SLC24A1: variants seen among roughly 807,000 people sequenced by gnomAD.
SLC24A1 encodes the protein sodium/potassium/calcium exchanger 1.
A neutral mutation model predicts 88.1 loss-of-function variants in SLC24A1; 52 were observed. The observed-to-expected ratio is 0.59, with a 90% CI of 0.47 to 0.74. The LOEUF (loss-of-function observed/expected upper bound fraction) is 0.74. SLC24A1 is among the 30% of genes least tolerant of loss of function. The pLI, the probability that SLC24A1 is intolerant of heterozygous loss-of-function variation, is 0.00. For synonymous variants in SLC24A1, 455 were observed against 498.0 expected, an observed-to-expected ratio of 0.91 and a Z score of 1.15; for missense variants, 1,173 against 1,363.3, an observed-to-expected ratio of 0.86 and a Z score of 2.20.
At chr15:65,623,435 C>T (rs1043990756) in intron 1 of SLC24A1, among the ~76,000 whole-genome samples, 2 of 152,176 alleles carry the variant, frequency 1.3e-5, no homozygotes, top group South Asian at 4.1e-4. Flanking sequence ...AAGCTTTGCC[C>T]ACTCTGGATG....
rs2075454748 is a variant in SLC24A1, at chr15:65,650,366, T to C, written c.2233-16T>C. 2 of 1,545,266 alleles carry C rather than the reference T, an allele frequency of 1.3e-6. No homozygotes were observed. The highest frequency in any genetic ancestry group is 2.7e-5 in the African/African-American group (2 of 72,764). ...GAGCAGTTACCACACATTAATCTGT[T>C]GGTTTTGGATTGCAGGAAGATGTGG... On this transcript the variant is annotated splice_polypyrimidine_tract_variant and intron_variant, in intron 6 of 9. Coordinates refer to ENST00000261892, the MANE Select transcript of SLC24A1 (RefSeq NM_004727.3). The surrounding 1 kb of genome is among the most constrained non-coding windows in gnomAD (Gnocchi z 4.1).
At chr15:65,620,572 C>A (rs1410714532), upstream of SLC24A1, among the ~76,000 whole-genome samples, 2 of 152,130 alleles carry the variant, frequency 1.3e-5, no homozygotes. Flanking sequence ...TGCTGAATTT[C>A]AAAATGTGCC....
Position 65,651,729 on chromosome 15 carries a change from C to T in SLC24A1, c.2853C>T (p.Phe951=). ...FLGSIMWIAM[F]SYLMVWWAHQ... The stretch of plus-strand genomic sequence containing the variant: ...GATCTATCATGTGGATAGCCATGTT[C>T]TCATACCTCATGGTGTGGTGGGCTC... The change falls in exon 8 of 10, where the codon TTC becomes TTT. Residue 951 remains phenylalanine (F), a synonymous_variant. Coordinates refer to ENST00000261892, the MANE Select transcript of SLC24A1 (RefSeq NM_004727.3). The T allele has an allele frequency of 6.2e-7, 1 of 1,608,528 alleles. No homozygotes were observed. The highest frequency in any genetic ancestry group is 8.5e-7 in the Non-Finnish European group (1 of 1,175,154).
Position 65,654,523 on chromosome 15 carries a change from G to A in SLC24A1, c.*444G>A, listed in dbSNP as rs912185481. On this transcript the variant is annotated 3_prime_UTR_variant, in exon 10 of 10. Transcript: ENST00000261892. Reference sequence around the variant, plus strand: ...TTCCTGACCTCTGCCCCAAACACACGCTGCAATTTTGTCTCCTCCTTTTCT... The same window carrying A: ...TTCCTGACCTCTGCCCCAAACACACACTGCAATTTTGTCTCCTCCTTTTCT... 28 of 1,181,562 alleles carry A rather than the reference G, an allele frequency of 2.4e-5. No homozygotes were observed. Among genetic ancestry groups the A allele is most frequent in the Admixed American group, 3.9e-5 (1 of 25,782 alleles). The allele number at this position is 1,181,562 out of a possible 1,614,324, so 73.2% of individuals were successfully genotyped here. A position where few individuals can be genotyped will look rare whatever the true frequency, so the allele number is the denominator to read the frequency against.
At chr15:65,627,765 A>T (rs183229940) in intron 2 of SLC24A1, among the ~76,000 whole-genome samples, 8 of 152,278 alleles carry the variant, frequency 5.3e-5, no homozygotes, top group Non-Finnish European at 1.2e-4. Flanking sequence ...CCTCATAGTA[A>T]TTCTGCTTTT....
At chr15:65,616,524 CT>C (rs2074150597) in intron 2 of SLC24A1, among the ~76,000 whole-genome samples, 1 of 152,186 alleles carries the variant, frequency 6.6e-6, no homozygotes, top group African/African-American at 2.4e-5. Flanking sequence ...GCATAGATGT[CT>C]TCTTTTGAGA....
intron 4 of SLC24A1, among the ~76,000 whole-genome samples, chr15:65,641,517 G>A (rs376729151): frequency 9.3e-4 from 141 of 152,232 alleles, no homozygotes; most frequent in African/African-American, 3.3e-3. Flanking sequence ...TGATGGAGCT[G>A]TTAGGAAAAA....
chr15:65,620,318 A>AC (rs1475740040), upstream of SLC24A1, among the ~76,000 whole-genome samples: 2 of 151,910 alleles, frequency 1.3e-5, no homozygotes, highest in Non-Finnish European at 2.9e-5. Flanking sequence ...AAACCTGCTG[A>AC]CCCCTCTAAC....
At chr15:65,639,745 A>G in intron 4 of SLC24A1, 42 bp downstream of exon 4, 1 of 1,273,088 alleles carries the variant, frequency 7.9e-7, no homozygotes, top group South Asian at 1.3e-5. Flanking sequence ...TGCCCCATCC[A>G]CTCCTTCCCT....
At chr15:65,638,034 G>A in intron 2 of SLC24A1, 94 bp from the exon 3 acceptor site, 1 of 826,558 alleles carries the variant, frequency 1.2e-6, no homozygotes, top group Non-Finnish European at 2.1e-6. Context: ...GTGTGTTTCT[G>A]TATTTCAACC....
Position 65,642,907 on chromosome 15 carries a change from C to T in SLC24A1, c.2054-1520C>T. ...TTGCACTTTCCAGCTTCTCCGTTTC[C>T]TCTCAGTCCGTCTGTATTATGGACT... On this transcript the variant is annotated intron_variant, in intron 4 of 9. Transcript: ENST00000261892. 4.4e-6 allele frequency: 4 copies of T among 908,394 alleles called. No homozygotes were observed. In the South Asian group the frequency reaches 5.6e-5, roughly 13 times the overall value. 56.3% of individuals were successfully genotyped at this position (908,394 alleles called of 1,614,324 possible).
intron 2 of SLC24A1, among the ~76,000 whole-genome samples, chr15:65,628,254 T>C (rs1355484786): frequency 2.0e-5 from 3 of 152,196 alleles, no homozygotes; most frequent in African/African-American, 4.8e-5. Context: ...CCACCACACC[T>C]GGCCCCTTTA....
chr15:65,640,697 G>A (rs868572590), intron 4 of SLC24A1, among the ~76,000 whole-genome samples: 2 of 152,092 alleles, frequency 1.3e-5, no homozygotes, highest in South Asian at 2.1e-4. Flanking sequence ...ACAAATTTTC[G>A]GGGCTCAGAA....
chr15:65,656,354 C>CA (rs2075683687), downstream of SLC24A1: 4 of 660,312 alleles, frequency 6.1e-6, no homozygotes, highest in Admixed American at 2.5e-4. Context: ...AGGACAAGTA[C>CA]AAAAAATGAA....
At position 65,655,567 on chromosome 15, in the gene SLC24A1, G is replaced by A. The variant is rs560895148; in HGVS notation, c.*1488G>A. ...CAAGTTAAGGGACACGTTAGAAATA[G>A]AACAGCTTAATATCACTGGCTTCAG... is the stretch of plus-strand genomic sequence containing the variant. On this transcript the variant is annotated 3_prime_UTR_variant, in exon 10 of 10. Coordinates refer to ENST00000261892, the MANE Select transcript of SLC24A1 (RefSeq NM_004727.3). 929 of 985,412 alleles carry A rather than the reference G, an allele frequency of 9.4e-4. No individual in the cohort carries two copies. The highest frequency in any genetic ancestry group is 1.0e-3 in the Non-Finnish European group (869 of 829,924). The allele number at this position is 985,412 out of a possible 1,614,324, so 61.0% of individuals were successfully genotyped here. A position where few individuals can be genotyped will look rare whatever the true frequency, so the allele number is the denominator to read the frequency against.
At chr15:65,633,687 T>C (rs545647495) in intron 2 of SLC24A1, among the ~76,000 whole-genome samples, 3 of 152,026 alleles carry the variant, frequency 2.0e-5, no homozygotes, top group Non-Finnish European at 4.4e-5. Context: ...ACTTCACTTG[T>C]TTCTTTCACT....
intron 9 of SLC24A1, among the ~76,000 whole-genome samples, chr15:65,653,198 ACT>A (rs2075560902): frequency 6.6e-6 from 1 of 152,016 alleles, no homozygotes; most frequent in Non-Finnish European, 1.5e-5. Context: ...TAGCTCAGAG[ACT>A]CTAAACAGCA....
intron 2 of SLC24A1, among the ~76,000 whole-genome samples, chr15:65,616,573 G>C (rs2141393367): frequency 6.6e-6 from 1 of 152,070 alleles, no homozygotes; most frequent in South Asian, 2.1e-4. Context: ...TTTTGTTGGG[G>C]TTGTTTTTTT....
At chr15:65,631,878 C>G (rs1281935790) in intron 2 of SLC24A1, among the ~76,000 whole-genome samples, 1 of 152,166 alleles carries the variant, frequency 6.6e-6, no homozygotes, top group Non-Finnish European at 1.5e-5. Flanking sequence ...TGTTGCTAGG[C>G]TGGAGTGCAG....
Sources: gnomAD v4.1 joint callset for allele counts (sites outside exome capture counted in the v4.1 genomes callset) on GRCh38, gnomAD v4.1.1 for gene constraint, Gnocchi (gnomAD v3.1) non-coding constraint, MANE v1.5 for transcripts, NCBI Gene and HGNC (gene_info 2026-07-23, HGNC 2026-07-21) for gene names.